Variants in ANK3 observed in about 807,000 individuals in gnomAD.
ANK3 encodes the protein ankyrin-3.
In ANK3, 57 loss-of-function variants were observed where a neutral mutation model predicts 370.9. The observed-to-expected ratio is 0.15, with a 90% CI of 0.12 to 0.19. The LOEUF (loss-of-function observed/expected upper bound fraction) is 0.19. Among genes scored for constraint, ANK3 ranks in the 10% least tolerant of loss-of-function variants. ANK3 has a pLI of 1.00. For synonymous variants in ANK3, 1,929 were observed against 1,946.3 expected (o/e 0.99, Z 0.23); for missense variants, 4,439 against 5,302.1 (o/e 0.84, Z 5.06).
At chr10:60,249,816 C>T (rs1467754881) in intron 7 of ANK3, among the ~76,000 whole-genome samples, 4 of 152,134 alleles carry the variant, frequency 2.6e-5, no homozygotes, top group Non-Finnish European at 5.9e-5. Context: ...GCCCACTGAG[C>T]ACCGTGCTGA....
chr10:60,698,986 G>C (rs1204944009), intron 1 of ANK3, among the ~76,000 whole-genome samples: 1 of 151,670 alleles, frequency 6.6e-6, no homozygotes, highest in East Asian at 1.9e-4. Context: ...CAGTGACCTG[G>C]ATGAGATTGG....
At chr10:60,423,151 T>C (rs2063812397) in intron 2 of ANK3, among the ~76,000 whole-genome samples, 1 of 152,006 alleles carries the variant, frequency 6.6e-6, no homozygotes, top group Non-Finnish European at 1.5e-5. Context: ...TGAAAACCAA[T>C]CTAGTGAAAT....
intron 38 of ANK3, 63 bp from the exon 39 acceptor site, chr10:60,064,351 A>T: frequency 1.4e-6 from 2 of 1,470,646 alleles, no homozygotes; most frequent in Non-Finnish European, 9.1e-7. Flanking sequence ...GTTTCATAAA[A>T]GTAATGCTCA....
At chr10:60,425,993 T>C (rs2063878236) in intron 2 of ANK3, among the ~76,000 whole-genome samples, 1 of 152,102 alleles carries the variant, frequency 6.6e-6, no homozygotes, top group Admixed American at 6.6e-5. Flanking sequence ...TATCTCAGGT[T>C]TGGAAAGAAG....
At chr10:60,144,276 C>T (rs981855919) in intron 23 of ANK3, 22 of 394,044 alleles carry the variant, frequency 5.6e-5, no homozygotes, top group African/African-American at 4.3e-4. Context: ...AGAGGTCACA[C>T]TCTGGTTGCC....
chr10:60,348,121 C>A (rs1242555410), intron 1 of ANK3, among the ~76,000 whole-genome samples: 2 of 151,944 alleles, frequency 1.3e-5, no homozygotes, highest in African/African-American at 4.8e-5. Flanking sequence ...GCCTCATTGG[C>A]AATAGGATGA....
chr10:60,233,494 T>G (rs2097280346), intron 8 of ANK3, among the ~76,000 whole-genome samples: 1 of 152,200 alleles, frequency 6.6e-6, no homozygotes, highest in African/African-American at 2.4e-5. Context: ...TGCTGAGGTG[T>G]GATCAAAGCC....
chr10:60,353,158 GT>G (rs1198062363), intron 1 of ANK3, among the ~76,000 whole-genome samples: 4,163 of 126,038 alleles, frequency 0.033, 192 homozygotes, highest in African/African-American at 0.11. Flanking sequence ...TTTTTGTTTT[GT>G]TTTTTTTTTT....
intron 7 of ANK3, among the ~76,000 whole-genome samples, chr10:60,237,250 A>T (rs2097348367): frequency 6.6e-6 from 1 of 152,174 alleles, no homozygotes. Context: ...GTATTGCTCT[A>T]GTGACCCAAG....
At position 60,240,249 on chromosome 10, in the gene ANK3, TATATAC is replaced by T. The variant is rs1255550053; in HGVS notation, c.799-5469_799-5464del. 6.6e-4 allele frequency among the ~76,000 whole-genome samples: 94 copies of T among 141,592 alleles called. 1 individual carries two copies. Among genetic ancestry groups the T allele is most frequent in the African/African-American group, 2.5e-3 (92 of 37,104 alleles). 92.9% of individuals were successfully genotyped at this position (141,592 alleles called of 152,430 possible). A position where few individuals can be genotyped will look rare whatever the true frequency, so the allele number is the denominator to read the frequency against. ...ATACACACATATATATACACACATA[TATATAC>T]ATATACACATATATATACACACACA... On this transcript the variant is annotated intron_variant, in intron 7 of 43. Transcript: ENST00000280772.
chr10:60,419,476 C>T (rs1263761109), intron 2 of ANK3, among the ~76,000 whole-genome samples: 3 of 152,216 alleles, frequency 2.0e-5, no homozygotes, highest in South Asian at 2.1e-4. Flanking sequence ...GAGCACCTGG[C>T]CTCCTGGGCT....
Position 60,404,493 on chromosome 10 carries a change from G to GA in ANK3, c.97-124855dup, listed in dbSNP as rs577233190. 8.5e-5 allele frequency among the ~76,000 whole-genome samples: 13 copies of GA among 152,060 alleles called. No homozygotes were observed. The East Asian group carries it at 1.7e-3, about 20-fold the overall frequency. On this transcript the variant is annotated intron_variant, in intron 2 of 43. Coordinates refer to the ANK3 transcript ENST00000373827. The stretch of plus-strand genomic sequence containing the variant: ...AGCAATTCAATCAGGAAAATCATTT[G>GA]AAAAAATCATGTAAAACAACAGAAT...
chr10:60,593,618 A>G (rs1335346746), intron 2 of ANK3, among the ~76,000 whole-genome samples: 2 of 152,166 alleles, frequency 1.3e-5, no homozygotes, highest in Non-Finnish European at 2.9e-5. Context: ...AGTATGAACA[A>G]TGTTTATTCA....
intron 2 of ANK3, among the ~76,000 whole-genome samples, chr10:60,512,936 T>C (rs1277709980): frequency 6.6e-6 from 1 of 152,060 alleles, no homozygotes; most frequent in Non-Finnish European, 1.5e-5. Flanking sequence ...TTTTCCATAA[T>C]TTACGTGATT....
rs183176252 is a variant in ANK3, at chr10:60,337,945, C to T, written c.114+51480G>A. Among the ~76,000 whole-genome samples the T allele has an allele frequency of 3.1e-4, 47 of 152,216 alleles. 2 individuals carry two copies. In the East Asian group the frequency reaches 5.2e-3, roughly 17 times the overall value. ...TTATCTGATTTTATATTTGATTTTC[C>T]ATATGACATTTCATTTGGCTCCACT... On this transcript the variant is annotated intron_variant, in intron 1 of 43. Coordinates refer to ENST00000280772, the MANE Select transcript of ANK3 (RefSeq NM_020987.5).
intron 23 of ANK3, among the ~76,000 whole-genome samples, chr10:60,150,999 T>G (rs962183180): frequency 1.3e-5 from 2 of 152,192 alleles, no homozygotes; most frequent in South Asian, 4.1e-4. Context: ...TATCTTAAAC[T>G]CCTTGAGACT....
chr10:60,580,457 G>C (rs1346000406), intron 2 of ANK3, among the ~76,000 whole-genome samples: 1 of 151,948 alleles, frequency 6.6e-6, no homozygotes, highest in African/African-American at 2.4e-5. Flanking sequence ...TTCAAATTTT[G>C]CCCTTTTCTA....
At chr10:60,511,604 A>G (rs1479044444) in intron 2 of ANK3, among the ~76,000 whole-genome samples, 1 of 152,112 alleles carries the variant, frequency 6.6e-6, no homozygotes, top group African/African-American at 2.4e-5. Flanking sequence ...GTGTCTCAGA[A>G]TATTATTTTC....
chr10:60,138,846 T>C (rs2094455526), intron 24 of ANK3, 118 bp downstream of exon 24: 1 of 1,380,540 alleles, frequency 7.2e-7, no homozygotes, highest in Admixed American at 2.2e-5. Context: ...TTTCGCTAAA[T>C]TCACATCTTC....
Sources: gnomAD v4.1 joint callset for allele counts (sites outside exome capture counted in the v4.1 genomes callset) on GRCh38, gnomAD v4.1.1 for gene constraint, MANE v1.5 for transcripts, NCBI Gene and HGNC (gene_info 2026-07-23, HGNC 2026-07-21) for gene names.